Variants in UCK2 observed in about 807,000 individuals in gnomAD.
UCK2 encodes the protein cytidine monophosphokinase 2.
A neutral mutation model predicts 30.8 loss-of-function variants in UCK2; 6 were observed. The ratio of observed to expected loss-of-function variants is 0.19; its 90% CI spans 0.11 to 0.38. The LOEUF is 0.38. Among genes scored for constraint, UCK2 ranks in the 10% least tolerant of loss-of-function variants. The pLI, the probability that UCK2 is intolerant of heterozygous loss-of-function variation, is 1.00. For synonymous variants in UCK2, 125 were observed against 133.6 expected (o/e 0.94, Z 0.45); for missense variants, 210 against 339.8 (o/e 0.62, Z 3.00).
chr1:165,896,085 G>T (rs916945580), intron 3 of UCK2, 105 bp from the exon 4 acceptor site: 2 of 1,463,850 alleles, frequency 1.4e-6, no homozygotes, highest in African/African-American at 2.8e-5. Context: ...AGTCTGTGGG[G>T]GCAAGGAACC....
At chr1:165,851,229 C>T (rs905826029) in intron 1 of UCK2, among the ~76,000 whole-genome samples, 10 of 152,152 alleles carry the variant, frequency 6.6e-5, no homozygotes, top group African/African-American at 1.7e-4. Flanking sequence ...GTGAGAAAGA[C>T]GGTTGTGAAA....
intron 1 of UCK2, among the ~76,000 whole-genome samples, chr1:165,828,892 T>C (rs1653967511): frequency 6.6e-6 from 1 of 152,046 alleles, no homozygotes; most frequent in Non-Finnish European, 1.5e-5. Flanking sequence ...CCCTCCAACT[T>C]CATTTGGAGC....
rs1647797490 is a variant in UCK2 at position 165,909,990 on chromosome 1, C to T, written c.*2167C>T. 1.3e-5 allele frequency: 2 copies of T among 152,400 alleles called. No homozygotes were observed. Among genetic ancestry groups the T allele is most frequent in the African/African-American group, 4.8e-5 (2 of 41,468 alleles). The allele number at this position is 152,400 out of a possible 1,614,324, so 9.4% of individuals were successfully genotyped here. A position where few individuals can be genotyped will look rare whatever the true frequency, so the allele number is the denominator to read the frequency against. On this transcript the variant is annotated 3_prime_UTR_variant, in exon 7 of 7. Transcript: ENST00000367879. ...CTCTCATCTCTGAGCCTTTACCTAG[C>T]TGCTTCCTCATCTACCTGTGGTGTT...
intron 1 of UCK2, among the ~76,000 whole-genome samples, chr1:165,858,484 A>G (rs929454149): frequency 2.0e-5 from 3 of 152,212 alleles, no homozygotes; most frequent in Non-Finnish European, 4.4e-5. Flanking sequence ...ACAAGCAACC[A>G]GCTGCTCTGA....
At chr1:165,862,793 G>A (rs992457127) in intron 1 of UCK2, among the ~76,000 whole-genome samples, 1 of 152,100 alleles carries the variant, frequency 6.6e-6, no homozygotes, top group Non-Finnish European at 1.5e-5. Context: ...AAAAGTTCCC[G>A]ACACAGAGAG....
Position 165,890,959 on chromosome 1 carries a change from A to AG in UCK2, c.260-263dup, listed in dbSNP as rs796745837. On this transcript the variant is annotated intron_variant, in intron 2 of 6. Coordinates refer to ENST00000367879, the MANE Select transcript of UCK2 (RefSeq NM_012474.5). ...AGGATGATAACAGCTAAACTTGGAG[A>AG]GGGGAAAGAACTGACTGAAGTCAGG... 13 of 387,604 alleles carry AG rather than the reference A, an allele frequency of 3.4e-5. 1 individual carries two copies. The highest frequency in any genetic ancestry group is 2.1e-4 in the African/African-American group (10 of 48,324). 24.0% of individuals were successfully genotyped at this position (387,604 alleles called of 1,614,324 possible). A position where few individuals can be genotyped will look rare whatever the true frequency, so the allele number is the denominator to read the frequency against.
intron 1 of UCK2, among the ~76,000 whole-genome samples, chr1:165,880,115 C>T (rs1571288117): frequency 6.6e-6 from 1 of 152,344 alleles, no homozygotes; most frequent in African/African-American, 2.4e-5. Context: ...AATGTTTACT[C>T]ATGTGCGGCC....
intron 1 of UCK2, among the ~76,000 whole-genome samples, chr1:165,837,751 A>G (rs1252551292): frequency 6.6e-6 from 1 of 152,208 alleles, no homozygotes; most frequent in East Asian, 1.9e-4. Context: ...AGGTTCTCAA[A>G]TGTTTGTAGA....
chr1:165,893,217 A>G (rs1017662027), intron 3 of UCK2, among the ~76,000 whole-genome samples: 6 of 152,210 alleles, frequency 3.9e-5, no homozygotes, highest in African/African-American at 1.4e-4. Context: ...GGAGGAGGGA[A>G]GTTGAAGACC....
chr1:165,855,364 T>A (rs963594401), intron 1 of UCK2, among the ~76,000 whole-genome samples: 2 of 152,166 alleles, frequency 1.3e-5, no homozygotes, highest in African/African-American at 4.8e-5. Context: ...TGCTTATATA[T>A]AGCAACAGAT....
chr1:165,854,009 G>C (rs936318028), intron 1 of UCK2, among the ~76,000 whole-genome samples: 1 of 152,236 alleles, frequency 6.6e-6, no homozygotes, highest in African/African-American at 2.4e-5. Flanking sequence ...ATGTTCACCA[G>C]TTCTTTCAAC....
chr1:165,866,283 G>A (rs768843914), intron 1 of UCK2, among the ~76,000 whole-genome samples: 1 of 152,122 alleles, frequency 6.6e-6, no homozygotes, highest in African/African-American at 2.4e-5. Context: ...AATGGCTGTA[G>A]GACAACGTTT....
At chr1:165,832,213 T>C (rs1172824763) in intron 1 of UCK2, among the ~76,000 whole-genome samples, 1 of 152,212 alleles carries the variant, frequency 6.6e-6, no homozygotes, top group Non-Finnish European at 1.5e-5. Context: ...GGAGCTTTGT[T>C]ACCCATTTCC....
chr1:165,872,025 C>CTTTT lies in UCK2; in HGVS notation c.100-18170_100-18167dup, dbSNP rs146560615. 2.2e-4 allele frequency among the ~76,000 whole-genome samples: 33 copies of CTTTT among 147,346 alleles called. 1 individual carries two copies. The highest frequency in any genetic ancestry group is 8.2e-4 in the African/African-American group (33 of 40,230). Reference sequence around the variant, plus strand: ...GAAGCCTTTTAGGCATATACATAGTCTTTTTTTTTTTTCTCTTTTTGCCGG... The same window carrying CTTTT: ...GAAGCCTTTTAGGCATATACATAGTCTTTTTTTTTTTTTTTTCTCTTTTTGCCGG... On this transcript the variant is annotated intron_variant, in intron 1 of 6. Coordinates refer to ENST00000367879, the MANE Select transcript of UCK2 (RefSeq NM_012474.5).
chr1:165,830,619 C>T (rs77799846), intron 1 of UCK2, among the ~76,000 whole-genome samples: 1,910 of 152,248 alleles, frequency 0.013, 49 homozygotes, highest in African/African-American at 0.044. Context: ...GCCACCACGC[C>T]GGCAATCTTT....
chr1:165,839,252 G>A (rs1654268907), intron 1 of UCK2, among the ~76,000 whole-genome samples: 1 of 152,088 alleles, frequency 6.6e-6, no homozygotes, highest in Admixed American at 6.6e-5. Context: ...ACATTTGAGA[G>A]CAGAAGGAAT....
At chr1:165,856,125 A>G (rs1293919935) in intron 1 of UCK2, among the ~76,000 whole-genome samples, 1 of 152,212 alleles carries the variant, frequency 6.6e-6, no homozygotes, top group Admixed American at 6.5e-5. Flanking sequence ...ATCTGTATAT[A>G]TAAAAAACAT....
chr1:165,907,907 C>T lies in UCK2; in HGVS notation c.*84C>T. The T allele has an allele frequency of 6.7e-7, 1 of 1,497,058 alleles. No homozygotes were observed. Among genetic ancestry groups the T allele is most frequent in the Non-Finnish European group, 9.0e-7 (1 of 1,115,434 alleles). The allele number at this position is 1,497,058 out of a possible 1,614,324, so 92.7% of individuals were successfully genotyped here. A position where few individuals can be genotyped will look rare whatever the true frequency, so the allele number is the denominator to read the frequency against. ...ACTGCTCATCTGTACATACTGTTTCCTATGACATTACTGTATTTAAGAAAA... is the reference window on the plus strand; with the variant it reads ...ACTGCTCATCTGTACATACTGTTTCTTATGACATTACTGTATTTAAGAAAA... On this transcript the variant is annotated 3_prime_UTR_variant, in exon 7 of 7. Coordinates refer to ENST00000367879, the MANE Select transcript of UCK2 (RefSeq NM_012474.5).
At chr1:165,895,492 G>A (rs1245835910) in intron 3 of UCK2, 16 of 985,260 alleles carry the variant, frequency 1.6e-5, no homozygotes, top group Non-Finnish European at 1.9e-5. Flanking sequence ...ATGTGGGTTG[G>A]GTGGATGAGG....
Sources: gnomAD v4.1 joint callset for allele counts (sites outside exome capture counted in the v4.1 genomes callset) on GRCh38, gnomAD v4.1.1 for gene constraint, MANE v1.5 for transcripts, NCBI Gene and HGNC (gene_info 2026-07-23, HGNC 2026-07-21) for gene names.